The following TASOR variants were observed in gnomAD, a reference collection of about 807,000 sequenced individuals.
The protein encoded by TASOR is protein TASOR.
Under a neutral mutation model 178.6 loss-of-function variants are expected in TASOR, and 53 were observed. That is an observed-to-expected ratio of 0.30 (90% confidence interval 0.24 to 0.37). The LOEUF is 0.37. Ranked by LOEUF, TASOR falls within the 10% of genes least tolerant of loss-of-function variation. TASOR has a pLI of 1.00. For missense variants in TASOR, 1,815 were observed against 1,971.4 expected (o/e 0.92, Z 1.50); for synonymous variants, 713 against 696.2 (o/e 1.02, Z -0.38).
rs115783694 is a variant in TASOR, at chr3:56,669,747, A to C, written c.688T>G (p.Leu230Val). Residue 230 changes from leucine (L) to valine (V), a missense_variant, in exon 5 of 24, where the codon TTG becomes GTG. Physicochemically the swap from Leu to Val is conservative, Grantham distance 32 (BLOSUM62 1). Coordinates refer to ENST00000683822, the MANE Select transcript of TASOR (RefSeq NM_001365635.2). Reference sequence around the variant, plus strand: ...ACATCACCCATTGCCCCCGTGTCCAAAGGATTCGCTTGTAATAAATCAGCA... The same window carrying C: ...ACATCACCCATTGCCCCCGTGTCCACAGGATTCGCTTGTAATAAATCAGCA... ...RYADLLQANP[L>V]DTGAMGDVVI... The C allele has an allele frequency of 2.6e-6, 4 of 1,549,912 alleles. No individual in the cohort carries two copies. Among genetic ancestry groups the C allele is most frequent in the Non-Finnish European group, 3.5e-6 (4 of 1,146,190 alleles).
Position 56,633,804 on chromosome 3 carries a change from C to A in TASOR, c.2987G>T (p.Gly996Val). ...TGGCACACACTGCTCCTCCACCTGA[C>A]CTGTCAACACGTCATCCTCAGTGGT... ...KGTTEDDVLT[G>V]QVEEQCVPAA... The change falls in exon 18 of 24, where the codon GGT becomes GTT. Residue 996 changes from glycine to valine, a missense_variant. Coordinates refer to ENST00000683822, the MANE Select transcript of TASOR (RefSeq NM_001365635.2). The A allele has an allele frequency of 4.3e-6, 7 of 1,614,188 alleles. No individual in the cohort carries two copies. The highest frequency in any genetic ancestry group is 1.1e-5 in the South Asian group (1 of 91,086).
intron 1 of TASOR, among the ~76,000 whole-genome samples, chr3:56,678,177 A>ATTTTTTTTTTTTT: frequency 9.3e-6 from 1 of 106,966 alleles, no homozygotes; most frequent in African/African-American, 3.7e-5. Flanking sequence ...CACACTTATG[A>ATTTTTTTTTTTTT]TTTTTTTTTT....
intron 11 of TASOR, among the ~76,000 whole-genome samples, chr3:56,657,735 T>C (rs1318163037): frequency 6.6e-6 from 1 of 152,226 alleles, no homozygotes; most frequent in Non-Finnish European, 1.5e-5. Flanking sequence ...AATTTGGAAA[T>C]GTCTCTTGGT....
chr3:56,631,557 C>CGTGTGT (rs144457927), intron 18 of TASOR, among the ~76,000 whole-genome samples: 50 of 147,592 alleles, frequency 3.4e-4, no homozygotes, highest in African/African-American at 1.2e-3. Flanking sequence ...CACAGAAAGG[C>CGTGTGT]GTGTGTGTGT....
At position 56,646,871 on chromosome 3, in the gene TASOR, T is replaced by A. The variant is rs369300472; in HGVS notation, c.1866A>T (p.Leu622=). Residue 622 remains leucine (L), a synonymous_variant, in exon 14 of 24, where the codon CTA becomes CTT. Transcript: ENST00000683822. ...GCTGAAGTTTTCTATTTTCTTCAAATAGTTCTTTTAATTTACAAATAGGTA... is the reference window on the plus strand; with the variant it reads ...GCTGAAGTTTTCTATTTTCTTCAAAAAGTTCTTTTAATTTACAAATAGGTA... ...YQLPICKLKE[L]FEENRKLQQF... is the part of the protein sequence containing the mutation. The A allele has an allele frequency of 6.2e-7, 1 of 1,605,638 alleles. No individual in the cohort carries two copies. The highest frequency in any genetic ancestry group is 8.5e-7 in the Non-Finnish European group (1 of 1,178,024).
intron 5 of TASOR, among the ~76,000 whole-genome samples, chr3:56,668,942 C>T (rs2030361395): frequency 6.6e-6 from 1 of 152,054 alleles, no homozygotes; most frequent in African/African-American, 2.4e-5. Flanking sequence ...CACTGCACTC[C>T]AGCCTGTGTG....
At chr3:56,674,391 T>C (rs1438599535) in intron 1 of TASOR, among the ~76,000 whole-genome samples, 2 of 150,390 alleles carry the variant, frequency 1.3e-5, no homozygotes, top group Non-Finnish European at 3.0e-5. Flanking sequence ...ATGCCTGTAG[T>C]ACCAGCTACT....
At chr3:56,646,394 ACTTT>A in intron 14 of TASOR, 124 bp downstream of exon 14, 1 of 726,180 alleles carries the variant, frequency 1.4e-6, no homozygotes, top group East Asian at 2.7e-5. Flanking sequence ...TTCAAATACA[ACTTT>A]CTTTACAAAA....
At chr3:56,669,816 A>G (rs1046293005) in intron 4 of TASOR, 25 bp from the exon 5 acceptor site, 1 of 1,453,934 alleles carries the variant, frequency 6.9e-7, no homozygotes. Flanking sequence ...AAAATTAAGG[A>G]AACTGATTAT....
intron 7 of TASOR, 78 bp downstream of exon 7, chr3:56,666,182 T>C: frequency 1.7e-6 from 2 of 1,209,518 alleles, no homozygotes; most frequent in Non-Finnish European, 2.1e-6. Context: ...GGAAACAAAA[T>C]GGTCCTCCTA....
chr3:56,627,804 T>G, intron 19 of TASOR, 63 bp from the exon 20 acceptor site: 1 of 1,483,158 alleles, frequency 6.7e-7, no homozygotes, highest in East Asian at 2.3e-5. Flanking sequence ...GACTCAAGTG[T>G]GAAGGAACCT....
At chr3:56,641,788 T>C (rs2077130432) in intron 14 of TASOR, 36 bp from the exon 15 acceptor site, 1 of 1,553,230 alleles carries the variant, frequency 6.4e-7, no homozygotes, top group African/African-American at 1.4e-5. Context: ...AAGTTAAGTT[T>C]AAAAGCAAGC....
At chr3:56,639,172 C>A (rs185411087) in intron 16 of TASOR, among the ~76,000 whole-genome samples, 1 of 152,148 alleles carries the variant, frequency 6.6e-6, no homozygotes, top group Non-Finnish European at 1.5e-5. Context: ...TTCTCAGAGT[C>A]CTCGGAAGTC....
Position 56,641,429 on chromosome 3 carries a change from C to T in TASOR, c.2539G>A (p.Glu847Lys). ...GAATACTTAGATGTTGCATCAACTT[C>T]TAGTAATAAGCTCTGAGTACCCTTA... ...QFKGTQSLLLEVDATSKYSVA... is the reference protein window; with the variant it reads ...QFKGTQSLLLKVDATSKYSVA... Residue 847 changes from glutamate to lysine, a missense_variant, in exon 15 of 24, where the codon GAA becomes AAA. Coordinates refer to ENST00000683822, the MANE Select transcript of TASOR (RefSeq NM_001365635.2). 3 of 1,606,142 alleles carry T rather than the reference C, an allele frequency of 1.9e-6. No individual in the cohort carries two copies. Among genetic ancestry groups the T allele is most frequent in the Non-Finnish European group, 2.6e-6 (3 of 1,173,054 alleles).
At chr3:56,642,292 C>G (rs1278310989) in intron 14 of TASOR, among the ~76,000 whole-genome samples, 1 of 152,136 alleles carries the variant, frequency 6.6e-6, no homozygotes, top group Non-Finnish European at 1.5e-5. Context: ...TAAAATCACC[C>G]TGAAGAAATC....
At chr3:56,674,989 T>TTG (rs778725768) in intron 1 of TASOR, among the ~76,000 whole-genome samples, 12 of 151,900 alleles carry the variant, frequency 7.9e-5, no homozygotes, top group Admixed American at 2.6e-4. Flanking sequence ...CGGCTAATTT[T>TTG]TGTGTGTGTG....
At position 56,660,808 on chromosome 3, in the gene TASOR, G is replaced by A; in HGVS notation, c.1291C>T (p.Leu431Phe). 1 of 1,613,686 alleles carries A rather than the reference G, an allele frequency of 6.2e-7. No individual in the cohort carries two copies. The highest frequency in any genetic ancestry group is 8.5e-7 in the Non-Finnish European group (1 of 1,179,944). Residue 431 changes from leucine to phenylalanine, a missense_variant, in exon 11 of 24, where the codon CTT becomes TTT. This residue lies in a region of TASOR where 504 missense variants were observed against 645.3 expected (regional missense o/e 0.78). Transcript: ENST00000683822. ...EVLKNGMYCS[L>F]YEVVEKTRIG... is the part of the protein sequence containing the mutation. ...CTTGTCTTTTCCACAACTTCATAAA[G>A]GCTGCAATACATTCCATTCTTCAAA...
intron 4 of TASOR, 133 bp downstream of exon 4, chr3:56,669,940 C>T: frequency 1.2e-6 from 1 of 863,154 alleles, no homozygotes; most frequent in African/African-American, 1.7e-5. Flanking sequence ...CATTTCAGAA[C>T]CTATGACTAG....
chr3:56,666,477 A>G, intron 6 of TASOR, 93 bp from the exon 7 acceptor site: 2 of 986,686 alleles, frequency 2.0e-6, no homozygotes, highest in Non-Finnish European at 2.8e-6. Flanking sequence ...AGAAAACCAT[A>G]TATGCACTTC....
Sources: allele counts gnomAD v4.1 joint callset (sites outside exome capture counted in the v4.1 genomes callset), GRCh38; gene constraint gnomAD v4.1.1; regional missense constraint gnomAD v4.1.1; transcripts MANE v1.5; gene names NCBI Gene and HGNC (gene_info 2026-07-23, HGNC 2026-07-21).